Variants in YTHDC2 observed in about 807,000 individuals in gnomAD.
YTHDC2 encodes the protein 3'-5' RNA helicase YTHDC2.
YTHDC2 carries 45 observed loss-of-function variants against 174.9 expected under a neutral mutation model. The ratio of observed to expected loss-of-function variants is 0.26; its 90% CI spans 0.20 to 0.33. The LOEUF (loss-of-function observed/expected upper bound fraction) is 0.33, where lower values mean the gene tolerates loss of function less well. Among genes scored for constraint, YTHDC2 ranks in the 10% least tolerant of loss-of-function variants. The pLI is 1.00. For missense variants in YTHDC2, 1,650 were observed against 1,723.7 expected (o/e 0.96, Z 0.76); for synonymous variants, 657 against 574.5 (o/e 1.14, Z -2.05).
rs892635461 is a variant in YTHDC2, at chr5:113,513,769, C to T, written c.-127C>T. 20 of 1,059,702 alleles carry T rather than the reference C, an allele frequency of 1.9e-5. No homozygotes were observed. Among genetic ancestry groups the T allele is most frequent in the Non-Finnish European group, 2.6e-5 (20 of 769,010 alleles). The allele number at this position is 1,059,702 out of a possible 1,614,324, so 65.6% of individuals were successfully genotyped here. ...GCGGTGACTGAGGCCTTTCTGGTGA[C>T]CTCAGCCCAACACAGGCCGTCTCCG... On this transcript the variant is annotated 5_prime_UTR_variant, in exon 1 of 30. Coordinates refer to ENST00000161863, the MANE Select transcript of YTHDC2 (RefSeq NM_022828.5).
intron 22 of YTHDC2, 130 bp downstream of exon 22, chr5:113,567,427 T>TATATAA (rs138503872): frequency 0.036 from 13,658 of 374,436 alleles, 794 homozygotes; most frequent in African/African-American, 0.17. Flanking sequence ...TATATATATA[T>TATATAA]CATTAAATAT....
chr5:113,516,857 A>C (rs1311324230), intron 2 of YTHDC2, among the ~76,000 whole-genome samples: 8 of 152,202 alleles, frequency 5.3e-5, no homozygotes, highest in Non-Finnish European at 1.5e-5. Context: ...TACAGTGATA[A>C]ATTACTGAGA....
chr5:113,545,486 G>A (rs934095560), intron 10 of YTHDC2, among the ~76,000 whole-genome samples: 1 of 151,758 alleles, frequency 6.6e-6, no homozygotes, highest in Non-Finnish European at 1.5e-5. Flanking sequence ...GGGCTCAGGT[G>A]ATTCTCCCAC....
intron 23 of YTHDC2, among the ~76,000 whole-genome samples, chr5:113,573,343 AG>A (rs1488867159): frequency 2.6e-5 from 4 of 152,194 alleles, no homozygotes; most frequent in Non-Finnish European, 5.9e-5. Flanking sequence ...GTCTACTGTT[AG>A]TCTGATGGGC....
At chr5:113,554,125 C>T in intron 16 of YTHDC2, 103 bp downstream of exon 16, 1 of 696,252 alleles carries the variant, frequency 1.4e-6, no homozygotes, top group Non-Finnish European at 1.8e-6. Context: ...TTAATTTTAC[C>T]TCTACTCAAG....
At chr5:113,530,963 C>G (rs1392626796) in intron 4 of YTHDC2, among the ~76,000 whole-genome samples, 1 of 152,134 alleles carries the variant, frequency 6.6e-6, no homozygotes, top group Non-Finnish European at 1.5e-5. Flanking sequence ...GTACAGAATT[C>G]TAGGATGGTG....
chr5:113,554,150 C>T (rs549246031), intron 16 of YTHDC2, 128 bp downstream of exon 16: 4 of 794,242 alleles, frequency 5.0e-6, no homozygotes, highest in Admixed American at 3.7e-5. Context: ...CTTGGACCAG[C>T]GCATGCTTTT....
chr5:113,520,429 A>AT (rs1773785213), intron 2 of YTHDC2, among the ~76,000 whole-genome samples: 1 of 152,216 alleles, frequency 6.6e-6, no homozygotes, highest in Admixed American at 6.5e-5. Context: ...GCTAAATAAA[A>AT]TAAAAAATTA....
chr5:113,557,175 T>C (rs1315616127), intron 17 of YTHDC2, among the ~76,000 whole-genome samples: 1 of 152,218 alleles, frequency 6.6e-6, no homozygotes, highest in African/African-American at 2.4e-5. Flanking sequence ...GTGGGGTTCT[T>C]GGAGTAAGGA....
chr5:113,567,597 C>T, intron 22 of YTHDC2, 57 bp from the exon 23 acceptor site: 1 of 1,370,050 alleles, frequency 7.3e-7, no homozygotes, highest in Non-Finnish European at 9.9e-7. Context: ...AAAAGTATTT[C>T]CAATAAACTA....
intron 23 of YTHDC2, 78 bp from the exon 24 acceptor site, chr5:113,579,508 G>A (rs1778263645): frequency 6.9e-6 from 7 of 1,010,752 alleles, no homozygotes; most frequent in South Asian, 2.0e-5. Context: ...TGTATATGAA[G>A]CGTATTTATT....
chr5:113,531,141 A>C (rs920339660), intron 4 of YTHDC2, among the ~76,000 whole-genome samples: 64 of 152,282 alleles, frequency 4.2e-4, no homozygotes, highest in African/African-American at 1.2e-3. Context: ...CTGTAGTTTG[A>C]AAATGATACA....
chr5:113,581,288 T>C (rs892098385), intron 24 of YTHDC2, 129 bp from the exon 25 acceptor site: 1 of 790,506 alleles, frequency 1.3e-6, no homozygotes, highest in Non-Finnish European at 1.8e-6. Context: ...ATAATGAAAT[T>C]AGTAGTAAAT....
At chr5:113,521,431 A>G (rs568677467) in intron 2 of YTHDC2, among the ~76,000 whole-genome samples, 1 of 152,274 alleles carries the variant, frequency 6.6e-6, no homozygotes, top group South Asian at 2.1e-4. Context: ...CTTATAGTTC[A>G]TTAAGACCAG....
intron 23 of YTHDC2, among the ~76,000 whole-genome samples, chr5:113,570,053 C>T (rs1290114777): frequency 6.6e-6 from 1 of 151,982 alleles, no homozygotes; most frequent in Non-Finnish European, 1.5e-5. Flanking sequence ...TCCTTCACTT[C>T]CCTTATTAGC....
At chr5:113,564,266 A>G (rs1030674279) in intron 20 of YTHDC2, 135 bp downstream of exon 20, 3 of 1,011,050 alleles carry the variant, frequency 3.0e-6, no homozygotes, top group Non-Finnish European at 4.1e-6. Context: ...TCACATTAAT[A>G]GTCCTGAAAA....
At chr5:113,535,202 A>G (rs932984693) in intron 6 of YTHDC2, among the ~76,000 whole-genome samples, 13 of 152,188 alleles carry the variant, frequency 8.5e-5, no homozygotes, top group Admixed American at 3.9e-4. Context: ...TGTCTGTTGA[A>G]CATGTACAGA....
chr5:113,531,361 A>G (rs140148141), intron 4 of YTHDC2, among the ~76,000 whole-genome samples: 2,073 of 152,282 alleles, frequency 0.014, 38 homozygotes, highest in Non-Finnish European at 0.021. Context: ...CCCATCAGCC[A>G]GCGAAGCTCA....
intron 2 of YTHDC2, among the ~76,000 whole-genome samples, chr5:113,518,786 T>C (rs1170494119): frequency 6.6e-6 from 1 of 152,162 alleles, no homozygotes; most frequent in Non-Finnish European, 1.5e-5. Flanking sequence ...TTTTTTCTGG[T>C]CAATTTTTTC....
Sources: gnomAD v4.1 joint callset for allele counts (sites outside exome capture counted in the v4.1 genomes callset) on GRCh38, gnomAD v4.1.1 for gene constraint, MANE v1.5 for transcripts, NCBI Gene and HGNC (gene_info 2026-07-23, HGNC 2026-07-21) for gene names.